Variants in ARVCF observed in about 807,000 individuals in gnomAD.
ARVCF encodes the protein ARVCF delta catenin family member.
ARVCF carries 66 observed loss-of-function variants against 90.9 expected under a neutral mutation model. That is an observed-to-expected ratio of 0.73 (90% CI 0.60 to 0.89). The LOEUF (loss-of-function observed/expected upper bound fraction) is 0.89. ARVCF is among the 40% of genes least tolerant of loss of function. The pLI is 0.00. For synonymous variants in ARVCF, 653 were observed against 603.4 expected, an observed-to-expected ratio of 1.08 and a Z score of -1.21; for missense variants, 1,469 against 1,382.3, an observed-to-expected ratio of 1.06 and a Z score of -1.00.
Position 19,986,652 on chromosome 22 carries a change from C to T in ARVCF, c.210+3933G>A, listed in dbSNP as rs533482095. ...CCTCTCAGGGAGCAGAAGGCCTACCCGGGCTTCCCTCTTCAGACTTCAGCC... is the reference window on the plus strand; with the variant it reads ...CCTCTCAGGGAGCAGAAGGCCTACCTGGGCTTCCCTCTTCAGACTTCAGCC... On this transcript the variant is annotated intron_variant, in intron 3 of 19. Transcript: ENST00000263207. 61 of 167,488 alleles carry T rather than the reference C, an allele frequency of 3.6e-4. 1 individual carries two copies. The Middle Eastern group carries it at 0.015, about 41-fold the overall frequency. The allele number at this position is 167,488 out of a possible 1,614,324, so 10.4% of individuals were successfully genotyped here.
chr22:19,980,072 C>A lies in ARVCF; in HGVS notation c.1067G>T (p.Arg356Leu). 6.3e-6 allele frequency: 10 copies of A among 1,582,458 alleles called. No individual in the cohort carries two copies. Among genetic ancestry groups the A allele is most frequent in the Non-Finnish European group, 8.6e-6 (10 of 1,164,556 alleles). Residue 356 changes from arginine (R) to leucine (L), a missense_variant, in exon 6 of 20, where the codon CGG (arginine) becomes CTG (leucine). By Grantham distance (102) the Arg-to-Leu change is moderately radical. Coordinates refer to ENST00000263207, the MANE Select transcript of ARVCF (RefSeq NM_001670.3). The part of the protein sequence containing the change: ...VDSARKEPRW[R>L]DPELPEVLAM... Reference sequence around the variant, plus strand: ...CAGCACCTCAGGCAGCTCAGGGTCCCGCCAGCGCGGCTCCTTGCGGGCGCT... The same window carrying A: ...CAGCACCTCAGGCAGCTCAGGGTCCAGCCAGCGCGGCTCCTTGCGGGCGCT...
Position 19,977,515 on chromosome 22 carries a change from G to A in ARVCF, c.1770C>T (p.Asp590=), listed in dbSNP as rs1324396857. ...YHVHKEVPGA[D]RYQEAEPGPL... ...GCCCGGGCTCGGCCTCCTGGTACCT[G>A]TCGGCCCCGGGCACCTCCTTGTGCA... Residue 590 remains aspartate (D), a synonymous_variant, in exon 9 of 20, where the codon GAC becomes GAT. Transcript: ENST00000263207. 7 of 1,598,298 alleles carry A rather than the reference G, an allele frequency of 4.4e-6. No homozygotes were observed. Among genetic ancestry groups the A allele is most frequent in the Admixed American group, 1.7e-5 (1 of 57,954 alleles).
At chr22:19,978,656 T>C (rs959423660) in intron 7 of ARVCF, among the ~76,000 whole-genome samples, 1 of 151,944 alleles carries the variant, frequency 6.6e-6, no homozygotes, top group Non-Finnish European at 1.5e-5. Context: ...AGGTGAGAGC[T>C]GGGCAGGGCT....
At chr22:19,997,295 G>A (rs990638630) in intron 2 of ARVCF, among the ~76,000 whole-genome samples, 1 of 152,208 alleles carries the variant, frequency 6.6e-6, no homozygotes, top group Non-Finnish European at 1.5e-5. Flanking sequence ...GGGCAGGCGA[G>A]TGTCCCAGCA....
intron 1 of ARVCF, among the ~76,000 whole-genome samples, chr22:20,013,703 A>T (rs377069759): frequency 1.3e-5 from 2 of 149,990 alleles, no homozygotes; most frequent in Non-Finnish European, 3.0e-5. Context: ...AGTGGGGGGA[A>T]CTCTGTGGCC....
intron 2 of ARVCF, among the ~76,000 whole-genome samples, chr22:19,992,320 G>T (rs1221505457): frequency 1.3e-5 from 2 of 152,206 alleles, no homozygotes; most frequent in African/African-American, 4.8e-5. Flanking sequence ...GCCACAGAAT[G>T]GAAGAATGCA....
rs759575439 is a variant in ARVCF, at chr22:19,981,235, T to C, written c.872A>G (p.Glu291Gly). Residue 291 changes from glutamate to glycine, a missense_variant, in exon 5 of 20, where the codon GAG becomes GGG. By Grantham distance (98) the Glu-to-Gly change is moderately conservative. Transcript: ENST00000263207. ...CCTGGTATGAAGGCCCCGCCCACAC[T>C]CAGGCCTCCTCCTTGTGGCCGTGCC... ...DYGTATRRRPECGRGLHTRAY... is the reference protein window; with the variant it reads ...DYGTATRRRPGCGRGLHTRAY... The C allele has an allele frequency of 2.6e-6, 4 of 1,552,360 alleles. No individual in the cohort carries two copies. Among genetic ancestry groups the C allele is most frequent in the Non-Finnish European group, 3.5e-6 (4 of 1,148,532 alleles).
At chr22:19,979,504 G>A (rs865964701) in intron 6 of ARVCF, 1 of 631,936 alleles carries the variant, frequency 1.6e-6, no homozygotes, top group Middle Eastern at 4.3e-4. Context: ...GAAGGCAGGA[G>A]GTGAGGGGAC....
chr22:19,982,828 C>A (rs762477592), intron 3 of ARVCF, among the ~76,000 whole-genome samples: 8 of 152,234 alleles, frequency 5.3e-5, no homozygotes, highest in Non-Finnish European at 8.8e-5. Context: ...AGACTCTGGG[C>A]ATCATATCAG....
At chr22:19,995,243 G>A (rs921556942) in intron 2 of ARVCF, among the ~76,000 whole-genome samples, 3 of 152,152 alleles carry the variant, frequency 2.0e-5, no homozygotes, top group Middle Eastern at 3.4e-3. Flanking sequence ...TGGATGGGAA[G>A]GTGGCTGGAT....
intron 3 of ARVCF, among the ~76,000 whole-genome samples, 199 bp downstream of exon 3, chr22:19,990,386 C>T (rs773817720): frequency 2.0e-5 from 3 of 152,222 alleles, no homozygotes; most frequent in Admixed American, 6.5e-5. Context: ...TGGGCTGTGT[C>T]CTGCCCACTC....
intron 2 of ARVCF, among the ~76,000 whole-genome samples, chr22:19,995,898 G>A (rs1041082516): frequency 1.3e-5 from 2 of 152,208 alleles, no homozygotes; most frequent in African/African-American, 2.4e-5. Context: ...TGCCCTGGCA[G>A]GAGTTGGACC....
Position 19,979,490 on chromosome 22 carries a change from G to A in ARVCF, c.1396+253C>T, listed in dbSNP as rs72556508. Reference sequence around the variant, plus strand: ...AGGAGAGTTTCTGTGGGGGCAGGAGGTGTGAAGGCAGGAGGTGAGGGGACA... The same window carrying A: ...AGGAGAGTTTCTGTGGGGGCAGGAGATGTGAAGGCAGGAGGTGAGGGGACA... On this transcript the variant is annotated intron_variant, in intron 6 of 19. Coordinates refer to ENST00000263207, the MANE Select transcript of ARVCF (RefSeq NM_001670.3). The A allele has an allele frequency of 1.5e-3, 917 of 599,810 alleles. 12 individuals carry two copies. The African/African-American group carries it at 0.015, about 10-fold the overall frequency. The allele number at this position is 599,810 out of a possible 1,614,324, so 37.2% of individuals were successfully genotyped here.
intron 1 of ARVCF, among the ~76,000 whole-genome samples, chr22:20,011,440 T>C (rs73877106): frequency 6.6e-6 from 1 of 152,042 alleles, no homozygotes; most frequent in African/African-American, 2.4e-5. Flanking sequence ...CCCCGCCCAA[T>C]AGTCCTTTGT....
At chr22:19,979,467 G>A in intron 6 of ARVCF, 2 of 572,190 alleles carry the variant, frequency 3.5e-6, no homozygotes, top group East Asian at 3.0e-5. Context: ...TGGGTCCCAG[G>A]AGAGTTTCTG....
chr22:19,973,156 G>GT lies in ARVCF; in HGVS notation c.2400dup (p.Arg801ThrfsTer60). ...AGAGCCACCAACGCTGGCACCCCGCGTGCCTGCAGGAGCGAGCGCGCGTTA... is the reference window on the plus strand; with the variant it reads ...AGAGCCACCAACGCTGGCACCCCGCGTTGCCTGCAGGAGCGAGCGCGCGTTA... On this transcript the variant is annotated frameshift_variant, in exon 14 of 20. Coordinates refer to ENST00000263207, the MANE Select transcript of ARVCF (RefSeq NM_001670.3). LOFTEE classifies it high-confidence loss of function. 1 of 1,581,958 alleles carries GT rather than the reference G, an allele frequency of 6.3e-7. No homozygotes were observed. Among genetic ancestry groups the GT allele is most frequent in the Non-Finnish European group, 8.6e-7 (1 of 1,163,456 alleles).
At chr22:20,003,547 TC>T (rs1304107262) in intron 2 of ARVCF, among the ~76,000 whole-genome samples, 2 of 152,226 alleles carry the variant, frequency 1.3e-5, no homozygotes, top group Non-Finnish European at 2.9e-5. Context: ...GGGATTTTAC[TC>T]CTGGAATGCA....
chr22:19,999,744 C>G (rs1944380765), intron 2 of ARVCF, among the ~76,000 whole-genome samples: 1 of 152,040 alleles, frequency 6.6e-6, no homozygotes, highest in South Asian at 2.1e-4. Context: ...TGGGAGGGTG[C>G]AAAGGGAGTC....
chr22:19,980,967 A>C lies in ARVCF; in HGVS notation c.896+244T>G, dbSNP rs922315365. ...TGGTTACCCAGAGTGTGGCTGGAGC[A>C]AGGCCAGTGGCCGGCACTCTTCCCA... On this transcript the variant is annotated intron_variant, in intron 5 of 19. Transcript: ENST00000263207. 3 of 501,732 alleles carry C rather than the reference A, an allele frequency of 6.0e-6. No individual in the cohort carries two copies. The Admixed American group carries it at 1.1e-4, about 19-fold the overall frequency. The allele number at this position is 501,732 out of a possible 1,614,324, so 31.1% of individuals were successfully genotyped here.
Sources: allele counts gnomAD v4.1 joint callset (sites outside exome capture counted in the v4.1 genomes callset), GRCh38; gene constraint gnomAD v4.1.1; transcripts MANE v1.5; gene names NCBI Gene and HGNC (gene_info 2026-07-23, HGNC 2026-07-21).